Variants in NFIB observed in about 807,000 individuals in gnomAD.
The protein encoded by NFIB is nuclear factor I B.
In NFIB, 11 loss-of-function variants were observed where a neutral mutation model predicts 61.5. The ratio of observed to expected loss-of-function variants is 0.18; its 90% CI spans 0.11 to 0.30. NFIB has a LOEUF of 0.30. Among genes scored for constraint, NFIB ranks in the 10% least tolerant of loss-of-function variants. The probability of loss-of-function intolerance (pLI) is 1.00; values close to 1 mark genes in which losing one functional copy is unlikely to be tolerated. For missense variants in NFIB, 471 were observed against 608.9 expected (o/e 0.77, Z 2.38); for synonymous variants, 260 against 216.5 (o/e 1.20, Z -1.76).
chr9:14,218,137 C>A (rs578253663), intron 2 of NFIB, among the ~76,000 whole-genome samples: 2 of 152,010 alleles, frequency 1.3e-5, no homozygotes, highest in East Asian at 3.9e-4. Context: ...GCTGAGAGCT[C>A]CAAGGTGGTA....
Position 14,314,130 on chromosome 9 carries a change from G to C in NFIB, c.-619C>G. The C allele has an allele frequency of 9.8e-7, 1 of 1,018,438 alleles. No individual in the cohort carries two copies. 63.1% of individuals were successfully genotyped at this position (1,018,438 alleles called of 1,614,324 possible). A position where few individuals can be genotyped will look rare whatever the true frequency, so the allele number is the denominator to read the frequency against. ...ACCATGTGTGTGCGCGAGGGGCAGC[G>C]TGAGCGAGTGCGCGCGGGTGGCGGG... is the stretch of plus-strand genomic sequence containing the variant. On this transcript the variant is annotated 5_prime_UTR_variant, in exon 1 of 11. Coordinates refer to ENST00000380953, the MANE Select transcript of NFIB (RefSeq NM_001190737.2).
At chr9:14,431,361 TA>T in the NFIB span, among the ~76,000 whole-genome samples, 1 of 151,534 alleles carries the variant, frequency 6.6e-6, no homozygotes, top group African/African-American at 2.4e-5. Flanking sequence ...TCACATTTTT[TA>T]AAAAAAAACT....
chr9:14,148,956 TAAGGAAGTACTAGAG>T (rs1563835720), intron 5 of NFIB, among the ~76,000 whole-genome samples: 1 of 152,166 alleles, frequency 6.6e-6, no homozygotes, highest in Non-Finnish European at 1.5e-5. Context: ...ATTACATGCA[TAAGGAAGTACTAGAG>T]AAATGTTTTT....
the NFIB span, among the ~76,000 whole-genome samples, chr9:14,427,888 C>T: frequency 3.6e-5 from 5 of 138,398 alleles, no homozygotes; most frequent in African/African-American, 8.0e-5. Flanking sequence ...AATTCCCCTG[C>T]CACTTCTTCT....
At chr9:14,494,662 C>T in the NFIB span, among the ~76,000 whole-genome samples, 42 of 152,286 alleles carry the variant, frequency 2.8e-4, no homozygotes, top group African/African-American at 9.1e-4. Flanking sequence ...CTGAAAGAGG[C>T]GCTCAGCATG....
At chr9:14,391,554 A>G (rs2061622885) in intron 1 of NFIB, among the ~76,000 whole-genome samples, 1 of 151,634 alleles carries the variant, frequency 6.6e-6, no homozygotes, top group Admixed American at 6.6e-5. Context: ...GTGCACTAAG[A>G]GGATTTAAAT....
the NFIB span, among the ~76,000 whole-genome samples, chr9:14,431,204 T>C: frequency 1.3e-5 from 2 of 152,192 alleles, no homozygotes; most frequent in Non-Finnish European, 2.9e-5. Flanking sequence ...CAGCAAACTC[T>C]TTGTTGATGA....
the NFIB span, among the ~76,000 whole-genome samples, chr9:14,433,700 A>C: frequency 2.0e-5 from 3 of 152,176 alleles, no homozygotes; most frequent in Non-Finnish European, 4.4e-5. Context: ...TGCCCACTAC[A>C]CTCCAGTTTT....
Position 14,106,483 on chromosome 9 carries a change from G to C in NFIB, c.1467+6516C>G, listed in dbSNP as rs575517030. Reference sequence around the variant, plus strand: ...CAAATAAGAAAGATGTGAAGGTGAAGTTTTCACTGCATATGTTCTTAGGGT... The same window carrying C: ...CAAATAAGAAAGATGTGAAGGTGAACTTTTCACTGCATATGTTCTTAGGGT... On this transcript the variant is annotated intron_variant, in intron 10 of 10. Coordinates refer to ENST00000380953, the MANE Select transcript of NFIB (RefSeq NM_001190737.2). Among the ~76,000 whole-genome samples the C allele has an allele frequency of 1.5e-4, 22 of 151,698 alleles. No individual in the cohort carries two copies. The South Asian group carries it at 4.2e-3, about 29-fold the overall frequency.
intron 1 of NFIB, among the ~76,000 whole-genome samples, chr9:14,355,227 G>T (rs139535135): frequency 6.6e-6 from 1 of 152,144 alleles, no homozygotes; most frequent in Non-Finnish European, 1.5e-5. Context: ...TATGAAGTGG[G>T]CCCTAATCCA....
chr9:14,244,423 T>A (rs2054673285), intron 2 of NFIB, among the ~76,000 whole-genome samples: 1 of 152,172 alleles, frequency 6.6e-6, no homozygotes, highest in Admixed American at 6.5e-5. Flanking sequence ...ATGAGAGACA[T>A]TCAAAATGAA....
chr9:14,315,347 G>C (rs1450833664), upstream of NFIB, among the ~76,000 whole-genome samples: 1 of 150,800 alleles, frequency 6.6e-6, no homozygotes, highest in Non-Finnish European at 1.5e-5. Context: ...CGGGAGGACC[G>C]GGCCGAGCCG....
At chr9:14,450,694 G>A in the NFIB span, among the ~76,000 whole-genome samples, 1 of 152,038 alleles carries the variant, frequency 6.6e-6, no homozygotes, top group Non-Finnish European at 1.5e-5. Context: ...TTGTCCTCCT[G>A]ATTCCTGGGA....
rs563000099 is a variant in NFIB at position 14,224,217 on chromosome 9, T to C, written c.563-44437A>G. On this transcript the variant is annotated intron_variant, in intron 2 of 10. Transcript: ENST00000380953. The stretch of plus-strand genomic sequence containing the variant: ...AACAAGTGATAGGCTACACAGAAAA[T>C]TGTGCCATCATTTGCTGAGGCTTCT... 7.2e-5 allele frequency among the ~76,000 whole-genome samples: 11 copies of C among 152,302 alleles called. No individual in the cohort carries two copies. In the South Asian group the frequency reaches 1.7e-3, roughly 23 times the overall value.
At chr9:14,282,121 T>A (rs1233645034) in intron 2 of NFIB, among the ~76,000 whole-genome samples, 1 of 152,222 alleles carries the variant, frequency 6.6e-6, no homozygotes, top group Non-Finnish European at 1.5e-5. Context: ...TGCTACTATA[T>A]AAATTGGATT....
the NFIB span, among the ~76,000 whole-genome samples, chr9:14,425,655 G>C: frequency 7.3e-6 from 1 of 137,574 alleles, no homozygotes; most frequent in Admixed American, 7.8e-5. Context: ...GCTTAGATGG[G>C]ACCACTTAAT....
At chr9:14,471,312 C>A in the NFIB span, among the ~76,000 whole-genome samples, 1 of 152,138 alleles carries the variant, frequency 6.6e-6, no homozygotes, top group East Asian at 1.9e-4. Flanking sequence ...GGATTTGCCT[C>A]CCCCCTGAGG....
At chr9:14,484,435 C>G in the NFIB span, among the ~76,000 whole-genome samples, 1 of 152,138 alleles carries the variant, frequency 6.6e-6, no homozygotes, top group Non-Finnish European at 1.5e-5. Context: ...TTTATCTTGC[C>G]CTTATACCCA....
chr9:14,514,123 G>A, the NFIB span, among the ~76,000 whole-genome samples: 3 of 152,064 alleles, frequency 2.0e-5, no homozygotes, highest in Non-Finnish European at 2.9e-5. Context: ...GAATGAATGA[G>A]GAAGGAAATT....
Sources: gnomAD v4.1 joint callset for allele counts (sites outside exome capture counted in the v4.1 genomes callset) on GRCh38, gnomAD v4.1.1 for gene constraint, MANE v1.5 for transcripts, NCBI Gene and HGNC (gene_info 2026-07-23, HGNC 2026-07-21) for gene names.